Variants in RARA observed in about 807,000 individuals in gnomAD.
RARA encodes the protein PML-DDX5-RARA fusion.
In RARA, 5 loss-of-function variants were observed where a neutral mutation model predicts 42.8. That is an observed-to-expected ratio of 0.12 (90% confidence interval 0.06 to 0.25). The LOEUF (loss-of-function observed/expected upper bound fraction) is 0.25. Ranked by LOEUF, RARA falls within the 10% of genes least tolerant of loss-of-function variation. RARA has a pLI of 1.00. For missense variants in RARA, 402 were observed against 628.7 expected (o/e 0.64, Z 3.86); for synonymous variants, 256 against 259.5 (o/e 0.99, Z 0.13).
chr17:40,342,303 G>T, intron 2 of RARA: 1 of 1,066,550 alleles, frequency 9.4e-7, no homozygotes, highest in African/African-American at 1.6e-5. Context: ...GCTGGGAGGA[G>T]GAAGTGCTCG....
At chr17:40,350,022 A>C (rs929267048) in intron 4 of RARA, 97 bp downstream of exon 4, 13 of 1,523,548 alleles carry the variant, frequency 8.5e-6, no homozygotes, top group Non-Finnish European at 1.2e-5. Context: ...GTTTGTGCAC[A>C]TGCATGAACA....
chr17:40,342,679 C>T (rs2034110190), intron 2 of RARA: 1 of 1,601,548 alleles, frequency 6.2e-7, no homozygotes, highest in Non-Finnish European at 8.5e-7. Context: ...CTTCCCAGCT[C>T]GGACCTCTTG....
At chr17:40,316,439 T>A (rs1250332552) in intron 1 of RARA, among the ~76,000 whole-genome samples, 2 of 152,248 alleles carry the variant, frequency 1.3e-5, no homozygotes, top group South Asian at 4.1e-4. Flanking sequence ...AATGCATTTG[T>A]ACCAGGATGC....
chr17:40,334,330 G>A (rs537515127), intron 2 of RARA, among the ~76,000 whole-genome samples: 1 of 152,040 alleles, frequency 6.6e-6, no homozygotes, highest in South Asian at 2.1e-4. Flanking sequence ...TGAGCCTTTT[G>A]GTTTCCCTGC....
At chr17:40,321,732 G>A (rs573232997) in intron 1 of RARA, among the ~76,000 whole-genome samples, 7 of 152,328 alleles carry the variant, frequency 4.6e-5, no homozygotes, top group East Asian at 3.9e-4. Context: ...AGGCTGGCCC[G>A]CACCTGTTGC....
rs2034591143 is a variant in RARA at position 40,355,492 on chromosome 17, C to T, written c.1171+71C>T. On this transcript the variant is annotated intron_variant, in intron 8 of 8. Coordinates refer to ENST00000254066, the MANE Select transcript of RARA (RefSeq NM_000964.4). The surrounding 1 kb of genome is among the most constrained non-coding windows in gnomAD (Gnocchi z 4.1). ...CCAGGCCCCCACATCCAAGCCAGCA[C>T]CCCATGTCTTTGTGCCAGGACAATA... The T allele has an allele frequency of 3.3e-6, 5 of 1,523,222 alleles. No individual in the cohort carries two copies. Among genetic ancestry groups the T allele is most frequent in the Non-Finnish European group, 4.4e-6 (5 of 1,127,442 alleles). 94.4% of individuals were successfully genotyped at this position (1,523,222 alleles called of 1,614,324 possible).
rs1699636200 is a variant in RARA, at chr17:40,351,106, T to C, written c.470-804T>C. ...ACGTCTTGTCACAGCTGCAATTTTC[T>C]CTTCCCAAATTATCCCCCCACTCTC... On this transcript the variant is annotated intron_variant, in intron 4 of 8. Coordinates refer to ENST00000254066, the MANE Select transcript of RARA (RefSeq NM_000964.4). This position sits in a 1 kb window ranked among gnomAD's most constrained non-coding sequence, Gnocchi z 4.1. 2.0e-5 allele frequency among the ~76,000 whole-genome samples: 3 copies of C among 151,998 alleles called. No individual in the cohort carries two copies. Among genetic ancestry groups the C allele is most frequent in the Admixed American group, 2.0e-4 (3 of 15,258 alleles).
At chr17:40,332,359 T>G (rs1185837709) in intron 2 of RARA, among the ~76,000 whole-genome samples, 1 of 151,996 alleles carries the variant, frequency 6.6e-6, no homozygotes, top group African/African-American at 2.4e-5. Context: ...GGGAAACGTG[T>G]CCCCACCTCT....
intron 2 of RARA, among the ~76,000 whole-genome samples, chr17:40,344,685 A>T (rs1235265736): frequency 5.9e-5 from 9 of 152,164 alleles, no homozygotes; most frequent in Non-Finnish European, 1.2e-4. Context: ...GGGGTAGTAG[A>T]CCTAGAGGCC....
intron 2 of RARA, among the ~76,000 whole-genome samples, chr17:40,335,191 C>T (rs1015484475): frequency 1.2e-4 from 18 of 151,990 alleles, no homozygotes; most frequent in African/African-American, 4.4e-4. Flanking sequence ...GAGAGTCAGC[C>T]TGTCTGTGTG....
At chr17:40,350,076 T>C (rs1415020468) in intron 4 of RARA, 151 bp downstream of exon 4, 1 of 1,260,912 alleles carries the variant, frequency 7.9e-7, no homozygotes, top group Middle Eastern at 2.2e-4. Context: ...ATGGTTTGTG[T>C]GTAGCTGCAA....
chr17:40,316,776 T>A (rs755135847), intron 1 of RARA, among the ~76,000 whole-genome samples: 2 of 136,810 alleles, frequency 1.5e-5, no homozygotes, highest in Non-Finnish European at 3.1e-5. Context: ...TCCTGCCGGC[T>A]GAGCGCATGT....
chr17:40,319,523 C>A (rs2033309695), intron 1 of RARA, among the ~76,000 whole-genome samples: 1 of 147,994 alleles, frequency 6.8e-6, no homozygotes, highest in South Asian at 2.1e-4. Flanking sequence ...GAGAACACCC[C>A]CCGACCCCCC....
At chr17:40,339,777 G>A (rs1019883873) in intron 2 of RARA, among the ~76,000 whole-genome samples, 7 of 152,170 alleles carry the variant, frequency 4.6e-5, no homozygotes, top group African/African-American at 1.4e-4. Context: ...AACCATTTGG[G>A]ACATCTTTTC....
chr17:40,316,723 G>A (rs1390862433), intron 1 of RARA, among the ~76,000 whole-genome samples: 2 of 152,086 alleles, frequency 1.3e-5, no homozygotes, highest in African/African-American at 4.8e-5. Context: ...TGGGGGGTAA[G>A]GGGTTAAGCG....
intron 1 of RARA, among the ~76,000 whole-genome samples, chr17:40,314,812 C>T (rs1315923414): frequency 6.6e-6 from 1 of 151,334 alleles, no homozygotes; most frequent in Non-Finnish European, 1.5e-5. Flanking sequence ...GCATCTCCCC[C>T]GGATGCAGCT....
At position 40,351,881 on chromosome 17, in the gene RARA, G is replaced by A. The variant is rs2143496165; in HGVS notation, c.470-29G>A. ...ACGAGGCCCTGAGCAGCCTGCAGCT[G>A]CCCTCTTAACCCCCTCTGCCCTCCA... On this transcript the variant is annotated intron_variant, in intron 4 of 8. Coordinates refer to ENST00000254066, the MANE Select transcript of RARA (RefSeq NM_000964.4). The surrounding 1 kb of genome is among the most constrained non-coding windows in gnomAD (Gnocchi z 4.1). The A allele has an allele frequency of 6.3e-7, 1 of 1,594,822 alleles. No homozygotes were observed. Among genetic ancestry groups the A allele is most frequent in the Non-Finnish European group, 8.5e-7 (1 of 1,175,020 alleles).
chr17:40,337,719 C>T (rs972513575), intron 2 of RARA, among the ~76,000 whole-genome samples: 3 of 152,256 alleles, frequency 2.0e-5, no homozygotes, highest in African/African-American at 4.8e-5. Flanking sequence ...ATGTTTGCTT[C>T]GTGTGCCTAG....
chr17:40,325,300 A>AAAT (rs2033508592), intron 1 of RARA, among the ~76,000 whole-genome samples: 4 of 142,620 alleles, frequency 2.8e-5, no homozygotes, highest in East Asian at 2.2e-4. Flanking sequence ...AATAAATAAA[A>AAAT]AGAGGCTGGG....
Sources: allele counts gnomAD v4.1 joint callset (sites outside exome capture counted in the v4.1 genomes callset), GRCh38; gene constraint gnomAD v4.1.1; non-coding constraint Gnocchi (gnomAD v3.1); transcripts MANE v1.5; gene names NCBI Gene and HGNC (gene_info 2026-07-23, HGNC 2026-07-21).